Variants in GLIS3 observed in about 807,000 individuals in gnomAD.
GLIS3 encodes the protein GLIS family zinc finger 3.
GLIS3 carries 53 observed loss-of-function variants against 78.6 expected under a neutral mutation model. The observed-to-expected ratio is 0.67, with a 90% confidence interval of 0.54 to 0.85. The LOEUF (loss-of-function observed/expected upper bound fraction) is 0.85, where lower values mean the gene tolerates loss of function less well. GLIS3 is among the 40% of genes least tolerant of loss of function. The pLI is 0.00. For synonymous variants in GLIS3, 684 were observed against 509.9 expected (o/e 1.34, Z -4.60); for missense variants, 1,703 against 1,231.1 (o/e 1.38, Z -5.74).
chr9:4,210,357 G>T (rs1214282567), intron 2 of GLIS3, among the ~76,000 whole-genome samples: 1 of 152,148 alleles, frequency 6.6e-6, no homozygotes, highest in Non-Finnish European at 1.5e-5. Flanking sequence ...GCATCCAATT[G>T]CCTTTTCTAT....
chr9:4,329,269 C>T (rs1336636246), intron 2 of GLIS3, among the ~76,000 whole-genome samples: 1 of 152,118 alleles, frequency 6.6e-6, no homozygotes, highest in Non-Finnish European at 1.5e-5. Flanking sequence ...GGGGAAACCT[C>T]GCATGTGTGT....
chr9:4,482,985 A>G, the GLIS3 span, among the ~76,000 whole-genome samples: 5 of 152,316 alleles, frequency 3.3e-5, no homozygotes, highest in Admixed American at 2.6e-4. Context: ...AAGTCTTTCA[A>G]TTTGGCTTGG....
the GLIS3 span, among the ~76,000 whole-genome samples, chr9:4,425,896 T>C: frequency 6.6e-6 from 1 of 152,172 alleles, no homozygotes; most frequent in Non-Finnish European, 1.5e-5. Context: ...ACAACATTGG[T>C]TCCAGTTCCT....
the GLIS3 span, among the ~76,000 whole-genome samples, chr9:4,362,740 G>C: frequency 4.7e-3 from 723 of 152,250 alleles, 10 homozygotes; most frequent in African/African-American, 0.016. Flanking sequence ...AAGGAACTAG[G>C]GGCCCAGCTT....
chr9:4,297,238 G>A (rs202005235), intron 1 of GLIS3, among the ~76,000 whole-genome samples: 1 of 152,202 alleles, frequency 6.6e-6, no homozygotes, highest in East Asian at 1.9e-4. Context: ...AGCTTTCAGA[G>A]GGGACAGAAC....
At chr9:3,970,419 T>C (rs1209398378) in intron 4 of GLIS3, among the ~76,000 whole-genome samples, 1 of 152,218 alleles carries the variant, frequency 6.6e-6, no homozygotes, top group Non-Finnish European at 1.5e-5. Flanking sequence ...CAAAATGTAA[T>C]TTCTTTCCTA....
At chr9:4,061,248 A>C (rs1169311228) in intron 4 of GLIS3, among the ~76,000 whole-genome samples, 1 of 120,658 alleles carries the variant, frequency 8.3e-6, no homozygotes, top group East Asian at 2.6e-4. Context: ...CCGGTGTGTG[A>C]TGTTCCCTTT....
intron 4 of GLIS3, among the ~76,000 whole-genome samples, chr9:4,067,384 C>T (rs1424210951): frequency 6.6e-6 from 1 of 151,868 alleles, no homozygotes; most frequent in Non-Finnish European, 1.5e-5. Flanking sequence ...TGATTGGAAC[C>T]TGACTGATAC....
the GLIS3 span, among the ~76,000 whole-genome samples, chr9:4,483,744 G>C: frequency 1.3e-5 from 2 of 149,414 alleles, no homozygotes; most frequent in Non-Finnish European, 3.0e-5. Context: ...AAAAAAAAGA[G>C]GTGTTGGTTA....
At chr9:4,325,766 A>G (rs1817588927) in intron 2 of GLIS3, among the ~76,000 whole-genome samples, 1 of 152,108 alleles carries the variant, frequency 6.6e-6, no homozygotes, top group Non-Finnish European at 1.5e-5. Flanking sequence ...GTGAAGCTTG[A>G]GAAATAAAGG....
intron 4 of GLIS3, among the ~76,000 whole-genome samples, chr9:3,953,764 TCTCTCTCTCTCTCTCTCTCTC>T (rs1816860059): frequency 1.3e-3 from 63 of 49,758 alleles, no homozygotes; most frequent in African/African-American, 4.1e-3. Context: ...AGATTTGCTC[TCTCTCTCTCTCTCTCTCTCTC>T]TCTCTCTCTC....
chr9:3,846,239 C>G (rs1819030536), intron 9 of GLIS3, among the ~76,000 whole-genome samples: 1 of 152,150 alleles, frequency 6.6e-6, no homozygotes, highest in African/African-American at 2.4e-5. Context: ...TCCCAAGTAA[C>G]TAAAAATTTC....
intron 2 of GLIS3, among the ~76,000 whole-genome samples, chr9:4,139,631 G>A (rs190007405): frequency 2.4e-4 from 36 of 152,252 alleles, no homozygotes; most frequent in African/African-American, 8.7e-4. Flanking sequence ...CCCAGGGACT[G>A]GTTTCATGGT....
intron 2 of GLIS3, among the ~76,000 whole-genome samples, chr9:4,127,979 C>T (rs567060714): frequency 2.6e-5 from 4 of 152,210 alleles, no homozygotes; most frequent in African/African-American, 9.6e-5. Flanking sequence ...GTAAGGTGTA[C>T]CATTATTTTA....
At chr9:4,091,360 C>G (rs1295508201) in intron 4 of GLIS3, among the ~76,000 whole-genome samples, 1 of 151,702 alleles carries the variant, frequency 6.6e-6, no homozygotes. Context: ...GAGTGAAACC[C>G]CGTCTCAAAA....
the GLIS3 span, among the ~76,000 whole-genome samples, chr9:4,378,755 T>C: frequency 6.6e-6 from 1 of 152,166 alleles, no homozygotes; most frequent in Non-Finnish European, 1.5e-5. Context: ...CTTGATAGCA[T>C]GTGTAGGGTA....
At chr9:3,980,553 A>G (rs1819178510) in intron 4 of GLIS3, among the ~76,000 whole-genome samples, 1 of 152,106 alleles carries the variant, frequency 6.6e-6, no homozygotes. Flanking sequence ...GTGTTTAGAC[A>G]CCTTTGACAG....
At chr9:3,896,141 T>G (rs2130581220) in intron 7 of GLIS3, among the ~76,000 whole-genome samples, 1 of 152,340 alleles carries the variant, frequency 6.6e-6, no homozygotes, top group East Asian at 1.9e-4. Context: ...TGGTTTGGCT[T>G]CTTTCCATAG....
chr9:3,969,968 C>G (rs1204703138), intron 4 of GLIS3, among the ~76,000 whole-genome samples: 1 of 152,250 alleles, frequency 6.6e-6, no homozygotes, highest in South Asian at 2.1e-4. Flanking sequence ...CAAATGCTAC[C>G]TATGATAAAA....
Sources: gnomAD v4.1 joint callset for allele counts (sites outside exome capture counted in the v4.1 genomes callset) on GRCh38, gnomAD v4.1.1 for gene constraint, MANE v1.5 for transcripts, NCBI Gene and HGNC (gene_info 2026-07-23, HGNC 2026-07-21) for gene names.